Variants in ARID1B observed in about 807,000 individuals in gnomAD.
The protein encoded by ARID1B is AT-rich interactive domain-containing protein 1B.
ARID1B carries 30 observed loss-of-function variants against 212.3 expected under a neutral mutation model. That is an observed-to-expected ratio of 0.14 (90% CI 0.11 to 0.19). The LOEUF (loss-of-function observed/expected upper bound fraction) is 0.19, where lower values mean the gene tolerates loss of function less well. ARID1B is among the 10% of genes least tolerant of loss of function. The pLI is 1.00. For synonymous variants in ARID1B, 1,402 were observed against 1,301.7 expected (o/e 1.08, Z -1.66); for missense variants, 2,891 against 3,204.0 (o/e 0.90, Z 2.36).
intron 11 of ARID1B, among the ~76,000 whole-genome samples, chr6:157,178,559 C>T (rs1346172261): frequency 1.3e-5 from 2 of 152,120 alleles, no homozygotes; most frequent in African/African-American, 4.8e-5. Context: ...GAGGCCTGAC[C>T]GTGTCAGTTC....
chr6:156,899,702 T>TG (rs1788768721), intron 2 of ARID1B, among the ~76,000 whole-genome samples: 1 of 152,158 alleles, frequency 6.6e-6, no homozygotes, highest in South Asian at 2.1e-4. Context: ...AGTAGGTTCT[T>TG]GCAATCTGTC....
chr6:157,137,689 T>C (rs1442000990), intron 7 of ARID1B, among the ~76,000 whole-genome samples: 1 of 152,194 alleles, frequency 6.6e-6, no homozygotes, highest in Non-Finnish European at 1.5e-5. Flanking sequence ...GTAACAGTAG[T>C]TCTGAGTCTA....
rs141495566 is a variant in ARID1B, at chr6:157,027,247, A to C, written c.2248-57415A>C. ...AACACAATAATTCATCTTAAGGTAA[A>C]AGATAAAACTCTGTGGTTAAATTTC... On this transcript the variant is annotated intron_variant, in intron 4 of 19. Coordinates refer to ENST00000636930, the MANE Select transcript of ARID1B (RefSeq NM_001374828.1). Among the ~76,000 whole-genome samples the C allele has an allele frequency of 6.5e-3, 985 of 152,066 alleles. 10 individuals are homozygous for C. Among genetic ancestry groups the C allele is most frequent in the Middle Eastern group, 0.024 (7 of 294 alleles).
intron 1 of ARID1B, among the ~76,000 whole-genome samples, chr6:156,781,127 G>A (rs1779234641): frequency 6.6e-6 from 1 of 152,074 alleles, no homozygotes; most frequent in Non-Finnish European, 1.5e-5. Context: ...AGGAGTTTTG[G>A]TTAGAATTGA....
chr6:156,829,353 C>G lies in ARID1B; in HGVS notation c.1918C>G (p.Arg640Gly), dbSNP rs749006707. The G allele has an allele frequency of 1.2e-5, 20 of 1,614,092 alleles. No homozygotes were observed. The highest frequency in any genetic ancestry group is 1.7e-5 in the Admixed American group (1 of 60,014). Residue 640 changes from arginine to glycine, a missense_variant, in exon 2 of 20, where the codon CGG (arginine) becomes GGG (glycine). Arg to Gly is a moderately radical substitution (Grantham distance 125, BLOSUM62 -2). Transcript: ENST00000636930. ...TTCCTATGGCCCTCCAGGCCCACAGCGGTATCCAATTGGCATCCAGGGTCG... is the reference window on the plus strand; with the variant it reads ...TTCCTATGGCCCTCCAGGCCCACAGGGGTATCCAATTGGCATCCAGGGTCG... Reference protein sequence around the residue: ...GGSYGPPGPQRYPIGIQGRTP... With the variant: ...GGSYGPPGPQGYPIGIQGRTP...
chr6:156,897,290 TTG>T (rs1788557008), intron 2 of ARID1B, among the ~76,000 whole-genome samples: 1 of 148,714 alleles, frequency 6.7e-6, no homozygotes, highest in Non-Finnish European at 1.5e-5. Context: ...TTATTATTAT[TTG>T]AGACAGAGTC....
Position 156,913,612 on chromosome 6 carries a change from A to G in ARID1B, c.2136+12087A>G, listed in dbSNP as rs567872807. 5.3e-4 allele frequency among the ~76,000 whole-genome samples: 81 copies of G among 152,150 alleles called. 1 individual carries two copies. The highest frequency in any genetic ancestry group is 1.0e-3 in the Non-Finnish European group (68 of 68,002). On this transcript the variant is annotated intron_variant, in intron 3 of 19. Transcript: ENST00000636930. ...TCTTCCCATCTAACTGAAATTTTGT[A>G]TCTTTGATCGACATCTTCCCAACTT...
At chr6:156,984,632 T>C (rs1364640461) in intron 4 of ARID1B, 3 of 152,242 alleles carry the variant, frequency 2.0e-5, no homozygotes, top group Non-Finnish European at 2.9e-5. Flanking sequence ...GTGTGAAATT[T>C]GGAATCAGAA....
intron 4 of ARID1B, among the ~76,000 whole-genome samples, chr6:157,060,868 A>G (rs1392760505): frequency 1.3e-5 from 2 of 151,832 alleles, no homozygotes; most frequent in Non-Finnish European, 2.9e-5. Context: ...ACCAAGGTTA[A>G]TTTTGCCCCA....
intron 5 of ARID1B, among the ~76,000 whole-genome samples, chr6:157,095,156 G>T (rs1170666519): frequency 1.3e-5 from 2 of 152,142 alleles, no homozygotes; most frequent in Non-Finnish European, 2.9e-5. Flanking sequence ...TTGTGGGGTG[G>T]AGCCCGAGAG....
chr6:156,777,672 G>T lies in ARID1B; in HGVS notation c.-9G>T. The stretch of plus-strand genomic sequence containing the variant: ...GCCCCCCGCCCGGCCTCGCCACGCC[G>T]CGGCGATCATGGCCGCGCGGGCAGC... On this transcript the variant is annotated 5_prime_UTR_variant, in exon 1 of 20. Transcript: ENST00000636930. 6.8e-6 allele frequency: 1 copy of T among 147,778 alleles called. No homozygotes were observed. 9.2% of individuals were successfully genotyped at this position (147,778 alleles called of 1,614,324 possible).
intron 4 of ARID1B, among the ~76,000 whole-genome samples, chr6:157,003,923 C>G (rs906748265): frequency 6.6e-6 from 1 of 151,910 alleles, no homozygotes; most frequent in African/African-American, 2.4e-5. Context: ...TCGCTTGAGC[C>G]CAGGAGTTCA....
intron 6 of ARID1B, among the ~76,000 whole-genome samples, chr6:157,119,212 G>C (rs1787533619): frequency 6.6e-6 from 1 of 152,060 alleles, no homozygotes; most frequent in Non-Finnish European, 1.5e-5. Context: ...CACCACTCTA[G>C]TCCAGACACC....
intron 4 of ARID1B, among the ~76,000 whole-genome samples, chr6:156,998,212 CTTTTTTT>C (rs569837054): frequency 7.3e-6 from 1 of 137,664 alleles, no homozygotes; most frequent in Non-Finnish European, 1.6e-5. Context: ...ATCTCTCTCT[CTTTTTTT>C]TTTTTTTTTG....
chr6:156,914,090 C>G (rs1790149126), intron 3 of ARID1B, among the ~76,000 whole-genome samples: 1 of 143,048 alleles, frequency 7.0e-6, no homozygotes, highest in Non-Finnish European at 1.5e-5. Context: ...ATTCCACTCT[C>G]CACTCCCCAA....
At chr6:156,837,893 C>T (rs949535153) in intron 2 of ARID1B, among the ~76,000 whole-genome samples, 8 of 152,150 alleles carry the variant, frequency 5.3e-5, no homozygotes, top group African/African-American at 1.4e-4. Flanking sequence ...ATGTTTGGGA[C>T]GTCCTGGATT....
intron 2 of ARID1B, among the ~76,000 whole-genome samples, chr6:156,880,057 G>A (rs1473189342): frequency 6.6e-6 from 1 of 152,202 alleles, no homozygotes; most frequent in Admixed American, 6.5e-5. Context: ...GCCCCCTGAT[G>A]GTATATTTGA....
At chr6:156,969,892 C>CTTTT (rs201337033) in intron 4 of ARID1B, among the ~76,000 whole-genome samples, 1 of 134,510 alleles carries the variant, frequency 7.4e-6, no homozygotes, top group Non-Finnish European at 1.6e-5. Flanking sequence ...TTATATAATG[C>CTTTT]TTTTTTTTTT....
rs1777784108 is a variant in ARID1B, at chr6:156,984,164, T to G, written c.2247+48588T>G. ...GGATTCGTTGAGCGTCTCCAGGAGG[T>G]ATCAGGACAAACCTTGGAGATGGGA... On this transcript the variant is annotated intron_variant, in intron 4 of 19. Transcript: ENST00000636930. 2.0e-5 allele frequency among the ~76,000 whole-genome samples: 3 copies of G among 151,884 alleles called. No individual in the cohort carries two copies. In the South Asian group the frequency reaches 6.2e-4, roughly 32 times the overall value.
Sources: gnomAD v4.1 joint callset for allele counts (sites outside exome capture counted in the v4.1 genomes callset) on GRCh38, gnomAD v4.1.1 for gene constraint, MANE v1.5 for transcripts, NCBI Gene and HGNC (gene_info 2026-07-23, HGNC 2026-07-21) for gene names.